Variants in COL24A1 observed in about 807,000 individuals in gnomAD.
The protein encoded by COL24A1 is collagen alpha-1(XXIV) chain.
Under a neutral mutation model 253.9 loss-of-function variants are expected in COL24A1, and 224 were observed. That is an observed-to-expected ratio of 0.88 (90% confidence interval 0.79 to 0.99). COL24A1 has a LOEUF of 0.99. COL24A1 is among the 50% of genes least tolerant of loss of function. The pLI, the probability that COL24A1 is intolerant of heterozygous loss-of-function variation, is 0.00. For synonymous variants in COL24A1, 685 were observed against 673.7 expected, an observed-to-expected ratio of 1.02 and a Z score of -0.26; for missense variants, 2,131 against 2,068.5, an observed-to-expected ratio of 1.03 and a Z score of -0.59.
chr1:86,083,090 A>G (rs924562074), intron 7 of COL24A1, among the ~76,000 whole-genome samples: 6 of 151,962 alleles, frequency 3.9e-5, no homozygotes, highest in Non-Finnish European at 5.9e-5. Context: ...GAGGTCAGGA[A>G]ATCGAGACCA....
At chr1:85,849,440 G>A in intron 37 of COL24A1, 34 bp from the exon 38 acceptor site, 1 of 1,517,904 alleles carries the variant, frequency 6.6e-7, no homozygotes, top group Non-Finnish European at 9.1e-7. Context: ...GAAATAAATG[G>A]TTAAAGAAAA....
At chr1:86,007,233 CAAA>C (rs1558984816) in intron 19 of COL24A1, among the ~76,000 whole-genome samples, 3 of 151,870 alleles carry the variant, frequency 2.0e-5, no homozygotes, top group African/African-American at 4.8e-5. Context: ...AACAAACAAA[CAAA>C]CCCACCACCA....
At chr1:85,997,039 A>ATGTGTGTGTGTGTG (rs1491173763) in intron 19 of COL24A1, among the ~76,000 whole-genome samples, 35 of 48,410 alleles carry the variant, frequency 7.2e-4, no homozygotes, top group East Asian at 2.4e-3. Flanking sequence ...ATATATATAT[A>ATGTGTGTGTGTGTG]TATGTGTGTG....
intron 39 of COL24A1, among the ~76,000 whole-genome samples, chr1:85,844,233 C>T (rs1423142972): frequency 6.6e-6 from 1 of 151,978 alleles, no homozygotes; most frequent in East Asian, 1.9e-4. Context: ...TAGGTCACAT[C>T]CTCTGGCTAT....
intron 7 of COL24A1, among the ~76,000 whole-genome samples, chr1:86,075,884 G>A (rs61800734): frequency 0.13 from 19,596 of 152,002 alleles, 1,411 homozygotes; most frequent in Middle Eastern, 0.24. Context: ...GATATTGATG[G>A]AATGTATCTC....
intron 5 of COL24A1, among the ~76,000 whole-genome samples, chr1:86,111,337 T>C (rs1217005275): frequency 6.6e-6 from 1 of 152,152 alleles, no homozygotes; most frequent in Non-Finnish European, 1.5e-5. Flanking sequence ...TAAAGGTTTG[T>C]AAATGCACCA....
chr1:85,879,246 GGTGTGT>G (rs5775875), intron 32 of COL24A1, among the ~76,000 whole-genome samples: 1,747 of 147,208 alleles, frequency 0.012, 31 homozygotes, highest in African/African-American at 0.041. Context: ...TCATTTTGAG[GGTGTGT>G]GTGTGTGTGT....
At chr1:85,966,307 G>A (rs1482685592) in intron 22 of COL24A1, among the ~76,000 whole-genome samples, 1 of 152,086 alleles carries the variant, frequency 6.6e-6, no homozygotes, top group African/African-American at 2.4e-5. Flanking sequence ...TTTTGGACAT[G>A]TTAGTTTGAT....
intron 41 of COL24A1, 69 bp from the exon 42 acceptor site, chr1:85,841,347 C>A (rs1236309503): frequency 4.8e-5 from 53 of 1,101,960 alleles, no homozygotes; most frequent in Non-Finnish European, 5.8e-5. Context: ...ACACAACCTA[C>A]TATTTTTAAG....
At chr1:85,992,153 A>C (rs1224666991) in intron 19 of COL24A1, among the ~76,000 whole-genome samples, 1 of 151,368 alleles carries the variant, frequency 6.6e-6, no homozygotes, top group Non-Finnish European at 1.5e-5. Context: ...ATTCCCACCT[A>C]TGAGTGAGAA....
At chr1:85,832,813 A>T (rs1177941545) in intron 43 of COL24A1, among the ~76,000 whole-genome samples, 1 of 150,516 alleles carries the variant, frequency 6.6e-6, no homozygotes, top group African/African-American at 2.5e-5. Context: ...TTATCAGCTT[A>T]AGGAGATTTT....
chr1:85,825,423 C>T (rs1457430132), intron 43 of COL24A1, among the ~76,000 whole-genome samples: 1 of 152,088 alleles, frequency 6.6e-6, no homozygotes. Context: ...ATTTATAGTC[C>T]TTTGGTTATA....
In COL24A1 at chr1:86,125,816, T is replaced by G; in HGVS notation, c.520A>C (p.Ser174Arg). ...HSFAITIRNQ[S>R]VSMFVECGKK... Reference sequence around the variant, plus strand: ...CCACACTCAACAAACATTGAGACACTTTGGTTTCTAATAGTAATGGCAAAT... The same window carrying G: ...CCACACTCAACAAACATTGAGACACGTTGGTTTCTAATAGTAATGGCAAAT... The change falls in exon 3 of 60, where the codon AGT becomes CGT. Residue 174 changes from serine to arginine, a missense_variant. By Grantham distance (110) the Ser-to-Arg change is moderately radical (BLOSUM62 -1). Transcript: ENST00000370571. The G allele has an allele frequency of 6.2e-7, 1 of 1,613,346 alleles. No homozygotes were observed. The highest frequency in any genetic ancestry group is 8.5e-7 in the Non-Finnish European group (1 of 1,179,752).
chr1:86,142,534 C>CA (rs1557804752), intron 2 of COL24A1, among the ~76,000 whole-genome samples: 14 of 128,908 alleles, frequency 1.1e-4, no homozygotes, highest in East Asian at 2.6e-4. Flanking sequence ...AAAAAAAAAA[C>CA]AAAAAACAAA....
intron 7 of COL24A1, 23 bp downstream of exon 7, chr1:86,089,151 A>G (rs1553129318): frequency 1.3e-6 from 2 of 1,564,068 alleles, no homozygotes; most frequent in South Asian, 2.4e-5. Context: ...GAAAAAAAGA[A>G]AAGAAGTAAA....
chr1:85,759,066 G>A (rs1284792171), intron 55 of COL24A1, among the ~76,000 whole-genome samples: 2 of 151,926 alleles, frequency 1.3e-5, no homozygotes, highest in African/African-American at 2.4e-5. Context: ...CTTATGATCC[G>A]CTGACCAATG....
intron 52 of COL24A1, among the ~76,000 whole-genome samples, chr1:85,776,594 T>A (rs1668568045): frequency 1.3e-5 from 2 of 152,014 alleles, no homozygotes; most frequent in Non-Finnish European, 2.9e-5. Flanking sequence ...TTTTAGATAA[T>A]TAAAATATTT....
At chr1:85,944,590 G>A (rs1489281500) in intron 24 of COL24A1, among the ~76,000 whole-genome samples, 1 of 70,180 alleles carries the variant, frequency 1.4e-5, no homozygotes, top group East Asian at 4.9e-4. Context: ...GTAGAGAAGA[G>A]ACTCTTTTTT....
chr1:85,927,286 G>T (rs1007957282), intron 24 of COL24A1, among the ~76,000 whole-genome samples: 2 of 152,200 alleles, frequency 1.3e-5, no homozygotes, highest in Non-Finnish European at 2.9e-5. Context: ...AAGGAGTCAG[G>T]GAGTTCCCTT....
Sources: gnomAD v4.1 joint callset for allele counts (sites outside exome capture counted in the v4.1 genomes callset) on GRCh38, gnomAD v4.1.1 for gene constraint, MANE v1.5 for transcripts, NCBI Gene and HGNC (gene_info 2026-07-23, HGNC 2026-07-21) for gene names.